DIPK1A: variants seen among roughly 807,000 people sequenced by gnomAD.
DIPK1A encodes the protein family with sequence similarity 69 member A.
In DIPK1A, 27 loss-of-function variants were observed where a neutral mutation model predicts 40.8. The observed-to-expected ratio is 0.66, with a 90% CI of 0.49 to 0.91. DIPK1A has a LOEUF of 0.91. Ranked by LOEUF, DIPK1A falls within the 40% of genes least tolerant of loss-of-function variation. The pLI is 0.00. For missense variants in DIPK1A, 412 were observed against 505.7 expected, an observed-to-expected ratio of 0.81 and a Z score of 1.78; for synonymous variants, 166 against 171.3, an observed-to-expected ratio of 0.97 and a Z score of 0.24.
intron 4 of DIPK1A, chr1:92,833,850 C>T (rs964675700): frequency 2.4e-5 from 14 of 593,632 alleles, no homozygotes; most frequent in Non-Finnish European, 2.4e-5. Context: ...CTCTTGGTTG[C>T]GCTCATGCCT....
chr1:92,870,109 CACACAT>C (rs1453712348), intron 2 of DIPK1A, among the ~76,000 whole-genome samples: 164 of 151,198 alleles, frequency 1.1e-3, no homozygotes, highest in African/African-American at 3.9e-3. Flanking sequence ...CACACACACA[CACACAT>C]ATCTGTTGCT....
chr1:92,887,780 A>T (rs948130798), intron 1 of DIPK1A, among the ~76,000 whole-genome samples: 1 of 152,224 alleles, frequency 6.6e-6, no homozygotes, highest in African/African-American at 2.4e-5. Context: ...TCGTCATTTT[A>T]CAGATGGGAA....
intron 1 of DIPK1A, among the ~76,000 whole-genome samples, chr1:92,958,961 A>T (rs950165175): frequency 2.0e-5 from 3 of 152,232 alleles, no homozygotes; most frequent in African/African-American, 7.2e-5. Flanking sequence ...TACTGAGATG[A>T]AATGATGTGA....
chr1:92,957,291 C>A (rs945050379), intron 1 of DIPK1A, among the ~76,000 whole-genome samples: 1 of 152,148 alleles, frequency 6.6e-6, no homozygotes, highest in African/African-American at 2.4e-5. Context: ...CATAATGGCA[C>A]GTGGAAGAAA....
At chr1:92,950,247 G>A (rs1427378667) in intron 1 of DIPK1A, among the ~76,000 whole-genome samples, 1 of 152,218 alleles carries the variant, frequency 6.6e-6, no homozygotes, top group Non-Finnish European at 1.5e-5. Flanking sequence ...AGGAAAGGTG[G>A]GGTGGACACG....
intron 2 of DIPK1A, among the ~76,000 whole-genome samples, chr1:92,872,953 G>A (rs1411496189): frequency 6.6e-6 from 1 of 152,212 alleles, no homozygotes; most frequent in Admixed American, 6.5e-5. Flanking sequence ...ATAACTGGCT[G>A]TATGCATGAG....
At chr1:92,840,661 C>G (rs765049781), downstream of DIPK1A, 4 of 1,571,220 alleles carry the variant, frequency 2.5e-6, no homozygotes, top group Admixed American at 6.8e-5. Flanking sequence ...TTTTTTTTGT[C>G]TTTTCAAGAA....
downstream of DIPK1A, among the ~76,000 whole-genome samples, chr1:92,839,137 T>C (rs1221902089): frequency 2.0e-5 from 3 of 150,384 alleles, no homozygotes; most frequent in Non-Finnish European, 2.9e-5. Flanking sequence ...GGTGGGCAGA[T>C]CACCTGATGT....
chr1:92,837,671 T>G (rs758293589), downstream of DIPK1A: 38 of 1,559,590 alleles, frequency 2.4e-5, no homozygotes, highest in Non-Finnish European at 3.0e-5. Context: ...ATTGGTTAAT[T>G]TATGGAAATA....
At chr1:92,895,394 T>C (rs1226021691) in intron 1 of DIPK1A, among the ~76,000 whole-genome samples, 1 of 151,936 alleles carries the variant, frequency 6.6e-6, no homozygotes, top group African/African-American at 2.4e-5. Context: ...ACAGAACCAA[T>C]GACAAAAACC....
chr1:92,926,442 T>C (rs1341493388), intron 1 of DIPK1A, among the ~76,000 whole-genome samples: 3 of 152,252 alleles, frequency 2.0e-5, no homozygotes, highest in African/African-American at 7.2e-5. Flanking sequence ...ATGGTCTATC[T>C]TGGTAAAAGT....
chr1:92,857,102 C>T (rs1313388340), intron 2 of DIPK1A, among the ~76,000 whole-genome samples: 4 of 151,992 alleles, frequency 2.6e-5, no homozygotes, highest in Non-Finnish European at 5.9e-5. Flanking sequence ...TTTATGTACC[C>T]CTGCCACATG....
chr1:92,882,642 C>A (rs983324677), intron 1 of DIPK1A, among the ~76,000 whole-genome samples: 1 of 152,108 alleles, frequency 6.6e-6, no homozygotes, highest in Middle Eastern at 3.2e-3. Flanking sequence ...ATACATATAG[C>A]CAGTTTGTTC....
intron 1 of DIPK1A, among the ~76,000 whole-genome samples, chr1:92,925,494 G>A (rs991788717): frequency 5.9e-5 from 9 of 151,622 alleles, no homozygotes; most frequent in South Asian, 2.1e-4. Context: ...GGGTTTTTTT[G>A]TTTTTTTGCT....
chr1:92,859,932 C>A (rs917766769), intron 2 of DIPK1A, among the ~76,000 whole-genome samples: 1 of 152,166 alleles, frequency 6.6e-6, no homozygotes, highest in Non-Finnish European at 1.5e-5. Context: ...AAGCTACTGG[C>A]CTCAGGCAAT....
At chr1:92,878,680 C>A (rs915805407) in intron 1 of DIPK1A, among the ~76,000 whole-genome samples, 8 of 152,032 alleles carry the variant, frequency 5.3e-5, no homozygotes, top group African/African-American at 1.9e-4. Flanking sequence ...ATTAGCCGGG[C>A]GAGGTGGCGG....
chr1:92,844,065 T>G lies in DIPK1A; in HGVS notation c.605A>C (p.Glu202Ala). Residue 202 changes from glutamate to alanine, a missense_variant, in exon 5 of 5, where the codon GAA becomes GCA. By Grantham distance (107) the Glu-to-Ala change is moderately radical. Coordinates refer to ENST00000370310, the MANE Select transcript of DIPK1A (RefSeq NM_001006605.5). ...KSAWALLQLNEFLLMVILQDK... is the reference protein window; with the variant it reads ...KSAWALLQLNAFLLMVILQDK... ...TTGAAGTATCACCATGAGAAGAAAT[T>G]CATTCAGTTGAAGAAGTGCCCATGC... The G allele has an allele frequency of 6.4e-7, 1 of 1,551,948 alleles. No individual in the cohort carries two copies. The highest frequency in any genetic ancestry group is 8.7e-7 in the Non-Finnish European group (1 of 1,147,030).
chr1:92,952,713 T>C (rs923346836), intron 1 of DIPK1A, among the ~76,000 whole-genome samples: 1 of 152,098 alleles, frequency 6.6e-6, no homozygotes, highest in African/African-American at 2.4e-5. Context: ...TACTATCCAA[T>C]ATGTAATCCA....
rs553800333 is a variant in DIPK1A, at chr1:92,876,501, C to A, written c.55-71G>T. On this transcript the variant is annotated intron_variant, in intron 1 of 4. Transcript: ENST00000370310. ...CAGCATTCAATGTCCTAGAACACGA[C>A]TTCTCACCCTTCTTGGAACAACTCA... 4.8e-5 allele frequency: 71 copies of A among 1,482,394 alleles called. No homozygotes were observed. The East Asian group carries it at 1.7e-3, about 35-fold the overall frequency. The allele number at this position is 1,482,394 out of a possible 1,614,324, so 91.8% of individuals were successfully genotyped here.
Sources: allele counts gnomAD v4.1 joint callset (sites outside exome capture counted in the v4.1 genomes callset), GRCh38; gene constraint gnomAD v4.1.1; transcripts MANE v1.5; gene names NCBI Gene and HGNC (gene_info 2026-07-23, HGNC 2026-07-21).